The following S100PBP variants were observed in gnomAD, a reference collection of about 807,000 sequenced individuals.
S100PBP encodes the protein S100P binding protein.
A neutral mutation model predicts 39.9 loss-of-function variants in S100PBP; 15 were observed. That is an observed-to-expected ratio of 0.38 (90% CI 0.25 to 0.58). The LOEUF (loss-of-function observed/expected upper bound fraction) is 0.58, where lower values mean the gene tolerates loss of function less well. Ranked by LOEUF, S100PBP falls within the 20% of genes least tolerant of loss-of-function variation. S100PBP has a pLI of 0.70. For synonymous variants in S100PBP, 178 were observed against 180.3 expected (o/e 0.99, Z 0.10); for missense variants, 504 against 487.3 (o/e 1.03, Z -0.32).
rs774351433 is a variant in S100PBP, at chr1:32,858,335, TTC to T, written c.*2299_*2300del. The T allele has an allele frequency of 5.2e-5, 8 of 152,634 alleles. No homozygotes were observed. The highest frequency in any genetic ancestry group is 1.0e-4 in the Non-Finnish European group (7 of 68,034). 9.5% of individuals were successfully genotyped at this position (152,634 alleles called of 1,614,324 possible). A position where few individuals can be genotyped will look rare whatever the true frequency, so the allele number is the denominator to read the frequency against. ...TCACATTTCCTCTTAGCTCAAATAA[TTC>T]TGTTTTTCCAAAGCTTTAGCAGCTT... On this transcript the variant is annotated 3_prime_UTR_variant, in exon 7 of 7. Coordinates refer to ENST00000373475, the MANE Select transcript of S100PBP (RefSeq NM_022753.4).
chr1:32,820,743 C>G (rs1639018814), intron 1 of S100PBP: 1 of 152,198 alleles, frequency 6.6e-6, no homozygotes. Context: ...GGCTCAATGC[C>G]TGTAATCCCA....
At chr1:32,817,143 G>C (rs751154269), upstream of S100PBP, 4 of 1,611,130 alleles carry the variant, frequency 2.5e-6, no homozygotes, top group Non-Finnish European at 3.4e-6. Flanking sequence ...ACTGAACCTC[G>C]GGCTCCTAAT....
chr1:32,838,839 G>A (rs1411529965), intron 5 of S100PBP, among the ~76,000 whole-genome samples: 6 of 147,732 alleles, frequency 4.1e-5, no homozygotes, highest in Admixed American at 1.4e-4. Flanking sequence ...GTGAAACTCC[G>A]TCTCAAAAAA....
intron 5 of S100PBP, among the ~76,000 whole-genome samples, chr1:32,838,073 G>A (rs1438967936): frequency 6.6e-6 from 1 of 152,130 alleles, no homozygotes; most frequent in African/African-American, 2.4e-5. Flanking sequence ...TGGGTGCGGT[G>A]GCTCACGCCT....
intron 5 of S100PBP, among the ~76,000 whole-genome samples, chr1:32,837,653 G>GC (rs1358234599): frequency 6.7e-6 from 1 of 149,546 alleles, no homozygotes; most frequent in African/African-American, 2.5e-5. Context: ...GCCTATCTCT[G>GC]CCCCCTCTAA....
intron 5 of S100PBP, among the ~76,000 whole-genome samples, chr1:32,844,039 G>A (rs1224775711): frequency 4.6e-5 from 7 of 151,380 alleles, no homozygotes; most frequent in Non-Finnish European, 7.4e-5. Flanking sequence ...TCAGCCTCCC[G>A]AGTAGCTGGG....
At chr1:32,832,995 T>A (rs571838603) in intron 5 of S100PBP, among the ~76,000 whole-genome samples, 5 of 152,116 alleles carry the variant, frequency 3.3e-5, no homozygotes, top group East Asian at 3.9e-4. Context: ...GTTTTTTTTT[T>A]ATAATAACAC....
rs1219786665 is a variant in S100PBP at position 32,826,373 on chromosome 1, C to A, written c.274C>A (p.Leu92Ile). ...EKGERGSQIL[L>I]DTPREKNSSY... ...GGGAGAAAGAGGGAGTCAAATTCTA[C>A]TTGATACTCCCCGAGAGAAAAATTC... The change falls in exon 3 of 7, where the codon CTT becomes ATT. Residue 92 changes from leucine to isoleucine, a missense_variant. By Grantham distance (5) the Leu-to-Ile change is conservative. Coordinates refer to ENST00000373475, the MANE Select transcript of S100PBP (RefSeq NM_022753.4). 1 of 1,614,178 alleles carries A rather than the reference C, an allele frequency of 6.2e-7. No individual in the cohort carries two copies. The highest frequency in any genetic ancestry group is 8.5e-7 in the Non-Finnish European group (1 of 1,180,018).
chr1:32,851,676 A>G (rs1437030687), intron 5 of S100PBP, among the ~76,000 whole-genome samples: 1 of 151,664 alleles, frequency 6.6e-6, no homozygotes, highest in Non-Finnish European at 1.5e-5. Context: ...CCACCCCACT[A>G]CCCACAAAAA....
intron 5 of S100PBP, among the ~76,000 whole-genome samples, chr1:32,843,899 C>G (rs779347661): frequency 6.0e-5 from 9 of 151,136 alleles, no homozygotes; most frequent in Non-Finnish European, 1.0e-4. Flanking sequence ...AGATCTTTTC[C>G]CATCCCCTTG....
chr1:32,849,138 T>G lies in S100PBP; in HGVS notation c.1025-3941T>G, dbSNP rs1052608018. ...CTAGATGATAGATGAGTATCTTTTC[T>G]TTCTTTTTTTTTCTTTTTTTTTTGG... On this transcript the variant is annotated intron_variant, in intron 5 of 6. Coordinates refer to ENST00000373475, the MANE Select transcript of S100PBP (RefSeq NM_022753.4). Among the ~76,000 whole-genome samples, 6 of 149,776 alleles carry G rather than the reference T, an allele frequency of 4.0e-5. No homozygotes were observed. In the Admixed American group the frequency reaches 4.1e-4, roughly 10 times the overall value.
At position 32,856,003 on chromosome 1, in the gene S100PBP, C is replaced by T. The variant is rs113963169; in HGVS notation, c.1192C>T (p.Arg398Trp). 1.2e-6 allele frequency: 2 copies of T among 1,613,424 alleles called. No homozygotes were observed. The highest frequency in any genetic ancestry group is 3.3e-5 in the Admixed American group (2 of 60,008). The change falls in exon 7 of 7, where the codon CGG becomes TGG. Residue 398 changes from arginine to tryptophan, a missense_variant. Coordinates refer to ENST00000373475, the MANE Select transcript of S100PBP (RefSeq NM_022753.4). ...TGACAGGAACATGCGAAGCCACCAT[C>T]GGTTCCAGCGTCTCCCAGACTTCTC... is the stretch of plus-strand genomic sequence containing the variant. ...WVDRNMRSHH[R>W]FQRLPDFSYS
At chr1:32,821,167 C>T (rs912530810) in intron 1 of S100PBP, among the ~76,000 whole-genome samples, 16 of 151,566 alleles carry the variant, frequency 1.1e-4, no homozygotes, top group Admixed American at 8.5e-4. Flanking sequence ...TGGCCGGGCG[C>T]GGTGGTTCAC....
chr1:32,856,077 G>C lies in S100PBP; in HGVS notation c.*39G>C. The C allele has an allele frequency of 7.7e-7, 1 of 1,303,642 alleles. No homozygotes were observed. The highest frequency in any genetic ancestry group is 1.1e-6 in the Non-Finnish European group (1 of 901,300). 80.8% of individuals were successfully genotyped at this position (1,303,642 alleles called of 1,614,324 possible). On this transcript the variant is annotated 3_prime_UTR_variant, in exon 7 of 7. Transcript: ENST00000373475. ...ATCAGCAATGAAGGTCCCTATCCAG[G>C]GTCCTGCTTGGAGCAGCATTTCATG...
Position 32,829,985 on chromosome 1 carries a change from A to C in S100PBP, c.942A>C (p.Ser314=). 1 of 1,613,890 alleles carries C rather than the reference A, an allele frequency of 6.2e-7. No individual in the cohort carries two copies. The highest frequency in any genetic ancestry group is 1.1e-5 in the South Asian group (1 of 91,072). ...CAAGGACTAATGTTCCGACGTTTTC[A>C]CAGTCAAATCTAGAACAGCAGAAGC... ...TKTRTNVPTF[S]QSNLEQQKQL... The change falls in exon 5 of 7, where the codon TCA becomes TCC. Residue 314 remains serine (S), a synonymous_variant. Coordinates refer to ENST00000373475, the MANE Select transcript of S100PBP (RefSeq NM_022753.4).
upstream of S100PBP, chr1:32,817,167 T>C: frequency 1.2e-6 from 2 of 1,613,994 alleles, no homozygotes; most frequent in Non-Finnish European, 1.7e-6. Flanking sequence ...CAACGGCGCA[T>C]TTCCAACCCC....
chr1:32,833,120 C>G (rs1398609550), intron 5 of S100PBP, among the ~76,000 whole-genome samples: 1 of 152,114 alleles, frequency 6.6e-6, no homozygotes, highest in Non-Finnish European at 1.5e-5. Context: ...CTTTAATCTC[C>G]TAACACATAA....
chr1:32,858,683 T>C lies in S100PBP; in HGVS notation c.*2645T>C, dbSNP rs756920482. The C allele has an allele frequency of 1.3e-5, 2 of 152,338 alleles. No homozygotes were observed. Among genetic ancestry groups the C allele is most frequent in the African/African-American group, 2.4e-5 (1 of 41,574 alleles). The allele number at this position is 152,338 out of a possible 1,614,324, so 9.4% of individuals were successfully genotyped here. ...GTCTTGACAAAGCAGAGTAAAAATA[T>C]GCTGTTTACATTGTTTACTTACAAG... On this transcript the variant is annotated 3_prime_UTR_variant, in exon 7 of 7. Transcript: ENST00000373475.
At chr1:32,827,018 A>G in intron 3 of S100PBP, 88 bp downstream of exon 3, 1 of 842,778 alleles carries the variant, frequency 1.2e-6, no homozygotes, top group Non-Finnish European at 1.8e-6. Flanking sequence ...TGCTATCTCC[A>G]CACATACACA....
Sources: gnomAD v4.1 joint callset for allele counts (sites outside exome capture counted in the v4.1 genomes callset) on GRCh38, gnomAD v4.1.1 for gene constraint, MANE v1.5 for transcripts, NCBI Gene and HGNC (gene_info 2026-07-23, HGNC 2026-07-21) for gene names.